The following UNC13C variants were observed in gnomAD, a reference collection of about 807,000 sequenced individuals.
UNC13C encodes unc-13 homolog C.
UNC13C carries 174 observed loss-of-function variants against 245.4 expected under a neutral mutation model. The ratio of observed to expected loss-of-function variants is 0.71; its 90% CI spans 0.63 to 0.80. The LOEUF (loss-of-function observed/expected upper bound fraction) is 0.80, where lower values mean the gene tolerates loss of function less well. UNC13C is among the 30% of genes least tolerant of loss of function. The pLI, the probability that UNC13C is intolerant of heterozygous loss-of-function variation, is 0.00. For missense variants in UNC13C, 2,829 were observed against 2,602.9 expected (o/e 1.09, Z -1.89); for synonymous variants, 992 against 895.1 (o/e 1.11, Z -1.93).
the UNC13C span, among the ~76,000 whole-genome samples, chr15:53,867,322 A>C: frequency 2.6e-5 from 4 of 152,224 alleles, no homozygotes; most frequent in Admixed American, 1.3e-4. Context: ...GAACAAAAAA[A>C]CTATAATGAA....
chr15:54,377,634 G>C (rs1469516741), intron 17 of UNC13C, among the ~76,000 whole-genome samples: 1 of 152,202 alleles, frequency 6.6e-6, no homozygotes, highest in Non-Finnish European at 1.5e-5. Context: ...AGGCCAGGAA[G>C]TTCAAGATGA....
At chr15:54,359,867 C>A (rs1249732948) in intron 17 of UNC13C, among the ~76,000 whole-genome samples, 2 of 151,540 alleles carry the variant, frequency 1.3e-5, no homozygotes, top group East Asian at 1.9e-4. Context: ...TCTGTTATTT[C>A]TTTTCTTCTA....
the UNC13C span, among the ~76,000 whole-genome samples, chr15:53,968,918 G>A: frequency 4.0e-5 from 6 of 151,790 alleles, no homozygotes; most frequent in Non-Finnish European, 7.4e-5. Flanking sequence ...GTTCTAGAGA[G>A]GGCAGGTACT....
At chr15:54,484,282 A>C (rs1224027444) in intron 19 of UNC13C, among the ~76,000 whole-genome samples, 1 of 152,200 alleles carries the variant, frequency 6.6e-6, no homozygotes, top group African/African-American at 2.4e-5. Context: ...AGTTGTTTTG[A>C]AAATTTCCCC....
At position 54,260,036 on chromosome 15, in the gene UNC13C, T is replaced by G. The variant is rs563149254; in HGVS notation, c.3449-4132T>G. On this transcript the variant is annotated intron_variant, in intron 8 of 32. Coordinates refer to ENST00000260323, the MANE Select transcript of UNC13C (RefSeq NM_001080534.3). The stretch of plus-strand genomic sequence containing the variant: ...GTAAATATCCAATTATGCCAATCAT[T>G]TTATCTTCGGCTCCCCCAAGAAGTA... Among the ~76,000 whole-genome samples the G allele has an allele frequency of 8.5e-5, 13 of 152,262 alleles. No individual in the cohort carries two copies. The South Asian group carries it at 2.7e-3, about 32-fold the overall frequency.
chr15:54,318,220 G>A (rs944619123), intron 13 of UNC13C, among the ~76,000 whole-genome samples: 5 of 151,692 alleles, frequency 3.3e-5, no homozygotes, highest in Non-Finnish European at 5.9e-5. Context: ...TGCTGATTTC[G>A]TCTTATTTGT....
At chr15:54,619,975 TAATC>T (rs1253096013) in intron 30 of UNC13C, among the ~76,000 whole-genome samples, 1 of 152,172 alleles carries the variant, frequency 6.6e-6, no homozygotes, top group Non-Finnish European at 1.5e-5. Flanking sequence ...ACAGCAATGA[TAATC>T]AATACTTTCT....
intron 4 of UNC13C, among the ~76,000 whole-genome samples, chr15:54,196,010 T>TGCCAAG (rs2034341287): frequency 6.6e-6 from 1 of 152,094 alleles, no homozygotes; most frequent in Non-Finnish European, 1.5e-5. Flanking sequence ...GTGACCATCT[T>TGCCAAG]TATCTCATGC....
At chr15:54,330,817 T>C (rs973986744) in intron 14 of UNC13C, among the ~76,000 whole-genome samples, 8 of 151,998 alleles carry the variant, frequency 5.3e-5, no homozygotes, top group African/African-American at 1.9e-4. Context: ...GTATTTTCTG[T>C]AGCTTTGTTG....
chr15:54,396,270 C>T (rs571848222), intron 18 of UNC13C, among the ~76,000 whole-genome samples: 74 of 151,788 alleles, frequency 4.9e-4, no homozygotes, highest in African/African-American at 1.7e-3. Context: ...TCCACCATCC[C>T]CAGGCAATGC....
intron 16 of UNC13C, among the ~76,000 whole-genome samples, chr15:54,335,861 T>A (rs1409659311): frequency 2.6e-5 from 4 of 152,276 alleles, no homozygotes; most frequent in East Asian, 3.9e-4. Context: ...GTTTTTATGT[T>A]CCTTGGGTTA....
chr15:54,109,273 C>T (rs62012177), intron 2 of UNC13C, among the ~76,000 whole-genome samples: 43,163 of 76,886 alleles, frequency 0.56, 10,151 homozygotes, highest in East Asian at 0.67. Flanking sequence ...TCCCTCTCCT[C>T]CCCTCCCCTC....
the UNC13C span, among the ~76,000 whole-genome samples, chr15:53,920,418 G>A: frequency 2.0e-5 from 3 of 152,100 alleles, no homozygotes; most frequent in Non-Finnish European, 4.4e-5. Context: ...GCTGGGTGTG[G>A]TGGTGTGTGC....
At chr15:53,919,205 A>G in the UNC13C span, among the ~76,000 whole-genome samples, 11 of 152,182 alleles carry the variant, frequency 7.2e-5, no homozygotes, top group Non-Finnish European at 1.3e-4. Flanking sequence ...AGGTTACGTA[A>G]TAATTATGGT....
chr15:54,259,091 C>A (rs1445094093), intron 8 of UNC13C, among the ~76,000 whole-genome samples: 2 of 152,210 alleles, frequency 1.3e-5, no homozygotes, highest in Admixed American at 6.5e-5. Context: ...CTCCCTTGAG[C>A]CTATAAGGCC....
chr15:53,886,200 C>T, the UNC13C span, among the ~76,000 whole-genome samples: 2 of 152,100 alleles, frequency 1.3e-5, no homozygotes, highest in African/African-American at 4.8e-5. Context: ...ACACCCAATC[C>T]TGGTTTCTAA....
intron 1 of UNC13C, among the ~76,000 whole-genome samples, chr15:54,008,827 G>A (rs1269458703): frequency 6.6e-6 from 1 of 152,176 alleles, no homozygotes; most frequent in Non-Finnish European, 1.5e-5. Flanking sequence ...TCCAGGACTA[G>A]GACCAAACTA....
At chr15:54,211,069 A>G (rs940245116) in intron 4 of UNC13C, among the ~76,000 whole-genome samples, 6 of 152,154 alleles carry the variant, frequency 3.9e-5, no homozygotes, top group Non-Finnish European at 8.8e-5. Context: ...TATAGCACTT[A>G]GTAGGCTAGG....
intron 4 of UNC13C, among the ~76,000 whole-genome samples, chr15:54,214,548 C>T (rs1441970566): frequency 1.3e-5 from 2 of 151,886 alleles, no homozygotes; most frequent in African/African-American, 4.8e-5. Context: ...TGCTAATTTT[C>T]ATTAGTGATA....
Sources: allele counts gnomAD v4.1 joint callset (sites outside exome capture counted in the v4.1 genomes callset), GRCh38; gene constraint gnomAD v4.1.1; transcripts MANE v1.5; gene names NCBI Gene and HGNC (gene_info 2026-07-23, HGNC 2026-07-21).